The following SBF2 variants were observed in gnomAD, a reference collection of about 807,000 sequenced individuals.
SBF2 encodes myotubularin-related protein 13.
SBF2 carries 112 observed loss-of-function variants against 225.2 expected under a neutral mutation model. That is an observed-to-expected ratio of 0.50 (90% CI 0.43 to 0.58). SBF2 has a LOEUF of 0.58. Among genes scored for constraint, SBF2 ranks in the 20% least tolerant of loss-of-function variants. The pLI, the probability that SBF2 is intolerant of heterozygous loss-of-function variation, is 0.00. For synonymous variants in SBF2, 763 were observed against 773.3 expected (o/e 0.99, Z 0.22); for missense variants, 1,996 against 2,206.2 (o/e 0.90, Z 1.91).
chr11:9,785,479 A>C (rs750911390), intron 36 of SBF2, 161 bp from the exon 37 acceptor site: 15 of 657,490 alleles, frequency 2.3e-5, no homozygotes, highest in Non-Finnish European at 4.0e-5. Context: ...GTGGTAAAAA[A>C]CTGGAAACAA....
At chr11:9,872,097 A>C (rs1858821600) in intron 17 of SBF2, among the ~76,000 whole-genome samples, 1 of 152,236 alleles carries the variant, frequency 6.6e-6, no homozygotes, top group Non-Finnish European at 1.5e-5. Flanking sequence ...AGACTGAATA[A>C]AGAAAGTGTG....
chr11:9,924,287 T>C (rs1180113317), intron 16 of SBF2, among the ~76,000 whole-genome samples: 1 of 152,202 alleles, frequency 6.6e-6, no homozygotes, highest in Non-Finnish European at 1.5e-5. Context: ...CATGAGATAT[T>C]TGACACTTTA....
intron 2 of SBF2, among the ~76,000 whole-genome samples, chr11:10,078,848 C>T (rs1951241571): frequency 6.6e-6 from 1 of 152,102 alleles, no homozygotes; most frequent in Admixed American, 6.5e-5. Flanking sequence ...ACCTCTACTA[C>T]CAACACCACA....
rs140311012 is a variant in SBF2 at position 10,283,821 on chromosome 11, T to G, written c.55+10194A>C. Among the ~76,000 whole-genome samples the G allele has an allele frequency of 3.9e-3, 595 of 152,294 alleles. 4 individuals carry two copies. The highest frequency in any genetic ancestry group is 6.6e-3 in the Non-Finnish European group (448 of 68,006). On this transcript the variant is annotated intron_variant, in intron 1 of 39. Coordinates refer to ENST00000256190, the MANE Select transcript of SBF2 (RefSeq NM_030962.4). ...AAGTCAGAAAAATAAAGTCTTAATT[T>G]CAAATTATCAAAATCAAACTATCAT...
At chr11:10,036,313 A>T (rs1398811606) in intron 3 of SBF2, among the ~76,000 whole-genome samples, 1 of 152,078 alleles carries the variant, frequency 6.6e-6, no homozygotes, top group Non-Finnish European at 1.5e-5. Context: ...TTTAATGTAG[A>T]TGACAGGTTG....
In SBF2 at chr11:10,112,244, C is replaced by A. The variant is rs1288292183; in HGVS notation, c.142-69263G>T. Among the ~76,000 whole-genome samples, 16 of 152,280 alleles carry A rather than the reference C, an allele frequency of 1.1e-4. No individual in the cohort carries two copies. The East Asian group carries it at 3.1e-3, about 29-fold the overall frequency. On this transcript the variant is annotated intron_variant, in intron 2 of 39. Coordinates refer to ENST00000256190, the MANE Select transcript of SBF2 (RefSeq NM_030962.4). ...TGATATGGTTTGGCTATGTCCCCAC[C>A]CAAATCTCACCTTGAATTGTAACTC...
rs150779881 is a variant in SBF2, at chr11:10,075,551, T to A, written c.142-32570A>T. Among the ~76,000 whole-genome samples, 84 of 152,336 alleles carry A rather than the reference T, an allele frequency of 5.5e-4. No homozygotes were observed. The East Asian group carries it at 0.014, about 25-fold the overall frequency. ...GCAGATTTCCCCCTTGCTGTTCTTA[T>A]GATAGTGAATGAGTTCTCATGAAAT... On this transcript the variant is annotated intron_variant, in intron 2 of 39. Coordinates refer to ENST00000256190, the MANE Select transcript of SBF2 (RefSeq NM_030962.4).
intron 2 of SBF2, among the ~76,000 whole-genome samples, chr11:10,046,315 A>G (rs926679091): frequency 8.5e-5 from 13 of 152,328 alleles, no homozygotes; most frequent in Middle Eastern, 3.4e-3. Context: ...AAACCAGATA[A>G]AGACATTTAC....
At chr11:10,194,171 T>C (rs1358451985) in intron 1 of SBF2, among the ~76,000 whole-genome samples, 184 bp from the exon 2 acceptor site, 1 of 152,190 alleles carries the variant, frequency 6.6e-6, no homozygotes, top group Admixed American at 6.5e-5. Flanking sequence ...GACCTCCATA[T>C]CCATGGGTTT....
intron 2 of SBF2, among the ~76,000 whole-genome samples, chr11:10,192,842 A>G (rs1000087322): frequency 6.6e-6 from 1 of 152,146 alleles, no homozygotes; most frequent in Non-Finnish European, 1.5e-5. Context: ...ATGTGTGTGC[A>G]TATCCATAAA....
intron 17 of SBF2, among the ~76,000 whole-genome samples, chr11:9,874,309 G>A (rs902427972): frequency 6.6e-6 from 1 of 152,016 alleles, no homozygotes; most frequent in African/African-American, 2.4e-5. Context: ...GATGAAGGCA[G>A]AAATCACAGT....
At chr11:10,220,374 G>T (rs1221713490) in intron 1 of SBF2, among the ~76,000 whole-genome samples, 1 of 152,070 alleles carries the variant, frequency 6.6e-6, no homozygotes, top group Non-Finnish European at 1.5e-5. Context: ...TTCAAGATGA[G>T]ATTTAGGTGG....
rs1851921817 is a variant in SBF2, at chr11:9,780,262, A to C, written c.*156T>G. ...CCTGTGTGAAACACCTATTCAGGTTAAGTAGATATAGCAACCCCTGCAAGA... is the reference window on the plus strand; with the variant it reads ...CCTGTGTGAAACACCTATTCAGGTTCAGTAGATATAGCAACCCCTGCAAGA... On this transcript the variant is annotated 3_prime_UTR_variant, in exon 40 of 40. Coordinates refer to ENST00000256190, the MANE Select transcript of SBF2 (RefSeq NM_030962.4). The C allele has an allele frequency of 1.4e-6, 1 of 699,518 alleles. No individual in the cohort carries two copies. The highest frequency in any genetic ancestry group is 1.5e-5 in the South Asian group (1 of 66,456). The allele number at this position is 699,518 out of a possible 1,614,324, so 43.3% of individuals were successfully genotyped here.
rs189227326 is a variant in SBF2 at position 10,045,318 on chromosome 11, C to T, written c.142-2337G>A. On this transcript the variant is annotated intron_variant, in intron 2 of 39. Transcript: ENST00000256190. ...GAGTAGCTGGGATTACAGGTGCCCG[C>T]CATCATGCCCAGGTAATTCATGTAT... is the stretch of plus-strand genomic sequence containing the variant. 1.2e-4 allele frequency among the ~76,000 whole-genome samples: 19 copies of T among 152,150 alleles called. 1 individual carries two copies. Among genetic ancestry groups the T allele is most frequent in the African/African-American group, 4.1e-4 (17 of 41,504 alleles).
chr11:10,141,987 C>CCT (rs1369905082), intron 2 of SBF2, among the ~76,000 whole-genome samples: 1 of 152,108 alleles, frequency 6.6e-6, no homozygotes, highest in Non-Finnish European at 1.5e-5. Flanking sequence ...GAGCTCTGCA[C>CCT]CTCTTCTTAG....
In SBF2 at chr11:10,130,112, C is replaced by T. The variant is rs915145463; in HGVS notation, c.141+63790G>A. Reference sequence around the variant, plus strand: ...GCGCAGTGGCTCATGCCTGTAATACCAGCACTTTGGGAGGCCGAGGTGGGC... The same window carrying T: ...GCGCAGTGGCTCATGCCTGTAATACTAGCACTTTGGGAGGCCGAGGTGGGC... On this transcript the variant is annotated intron_variant, in intron 2 of 39. Transcript: ENST00000256190. Among the ~76,000 whole-genome samples, 3 of 152,106 alleles carry T rather than the reference C, an allele frequency of 2.0e-5. No individual in the cohort carries two copies. In the East Asian group the frequency reaches 5.8e-4, roughly 29 times the overall value.
intron 2 of SBF2, among the ~76,000 whole-genome samples, chr11:10,174,572 G>C (rs2135261432): frequency 6.6e-6 from 1 of 152,320 alleles, no homozygotes; most frequent in East Asian, 1.9e-4. Context: ...ATGGAACCAA[G>C]TTGGAAAACA....
chr11:10,093,986 G>A (rs1377234084), intron 2 of SBF2, among the ~76,000 whole-genome samples: 1 of 152,160 alleles, frequency 6.6e-6, no homozygotes, highest in Non-Finnish European at 1.5e-5. Context: ...ATTTGGTAAA[G>A]CATAAAATTT....
chr11:9,935,598 T>A (rs536034424), intron 16 of SBF2, among the ~76,000 whole-genome samples: 1 of 152,072 alleles, frequency 6.6e-6, no homozygotes, highest in African/African-American at 2.4e-5. Context: ...GGTACTGGTA[T>A]CAAAACAGAT....
Sources: allele counts gnomAD v4.1 joint callset (sites outside exome capture counted in the v4.1 genomes callset), GRCh38; gene constraint gnomAD v4.1.1; transcripts MANE v1.5; gene names NCBI Gene and HGNC (gene_info 2026-07-23, HGNC 2026-07-21).